Variants in BCAM observed in about 807,000 individuals in gnomAD.
BCAM encodes basal cell adhesion molecule.
A neutral mutation model predicts 72.4 loss-of-function variants in BCAM; 61 were observed. The ratio of observed to expected loss-of-function variants is 0.84; its 90% CI spans 0.69 to 1.04. The LOEUF is 1.04. Among genes scored for constraint, BCAM ranks in the 50% least tolerant of loss-of-function variants. BCAM has a pLI of 0.00. For synonymous variants in BCAM, 408 were observed against 384.2 expected, an observed-to-expected ratio of 1.06 and a Z score of -0.73; for missense variants, 909 against 895.0, an observed-to-expected ratio of 1.02 and a Z score of -0.20.
chr19:44,814,897 T>C lies in BCAM; in HGVS notation c.1078+137T>C. On this transcript the variant is annotated intron_variant, in intron 8 of 14. Transcript: ENST00000270233. This position sits in a 1 kb window ranked among gnomAD's most constrained non-coding sequence, Gnocchi z 4.6. ...ACCCTTTCTCTGCATTTCTTGGGGG[T>C]TTTTTTGGTTGTTTTTTTTTTTTTT... 6 of 1,055,778 alleles carry C rather than the reference T, an allele frequency of 5.7e-6. No individual in the cohort carries two copies. The highest frequency in any genetic ancestry group is 7.5e-6 in the Non-Finnish European group (6 of 804,194). The allele number at this position is 1,055,778 out of a possible 1,614,324, so 65.4% of individuals were successfully genotyped here.
Position 44,819,108 on chromosome 19 carries a change from G to A in BCAM, c.1389G>A (p.Trp463Ter). ...AEIEPKADGS[W>*]REGDEVTLIC... is the part of the protein sequence containing the mutation. ...TAGAGCCCAAGGCAGATGGCAGCTG[G>A]AGGGAAGGAGACGAAGTCACACTCA... The change falls in exon 11 of 15, where the codon TGG becomes TGA. Residue 463 changes from tryptophan to a stop codon, truncating the protein, a stop_gained. Coordinates refer to ENST00000270233, the MANE Select transcript of BCAM (RefSeq NM_005581.5). LOFTEE classifies it high-confidence loss of function. The A allele has an allele frequency of 1.2e-6, 2 of 1,614,092 alleles. No individual in the cohort carries two copies. Among genetic ancestry groups the A allele is most frequent in the Non-Finnish European group, 1.7e-6 (2 of 1,179,992 alleles).
chr19:44,819,931 C>T, intron 13 of BCAM: 1 of 1,118,822 alleles, frequency 8.9e-7, no homozygotes, highest in Non-Finnish European at 1.1e-6. Context: ...AACTCATCCT[C>T]ATCCCCAACT....
At chr19:44,819,555 A>C in intron 12 of BCAM, 27 bp from the exon 13 acceptor site, 1 of 1,612,100 alleles carries the variant, frequency 6.2e-7, no homozygotes, top group Non-Finnish European at 8.5e-7. Context: ...TGCCTGACCC[A>C]CGCCTCTCTC....
At position 44,818,892 on chromosome 19, in the gene BCAM, G is replaced by T. The variant is rs776409244; in HGVS notation, c.1336+10G>T. 2 of 1,612,276 alleles carry T rather than the reference G, an allele frequency of 1.2e-6. No individual in the cohort carries two copies. The highest frequency in any genetic ancestry group is 1.7e-6 in the Non-Finnish European group (2 of 1,179,178). ...ACGCTGCTGGTCCAAGGTTCAGGGG[G>T]CAGGGAGGGGGTGGGCTTGGATGGG... On this transcript the variant is annotated intron_variant, in intron 10 of 14. Coordinates refer to ENST00000270233, the MANE Select transcript of BCAM (RefSeq NM_005581.5). The surrounding 1 kb of genome is among the most constrained non-coding windows in gnomAD (Gnocchi z 4.6).
chr19:44,810,356 G>A (rs924165911), intron 1 of BCAM, among the ~76,000 whole-genome samples: 5 of 152,096 alleles, frequency 3.3e-5, no homozygotes, highest in African/African-American at 9.7e-5. Flanking sequence ...GCCAAGAGGC[G>A]GCTGGGGGCT....
chr19:44,810,792 G>T (rs1968407961), intron 1 of BCAM, among the ~76,000 whole-genome samples: 1 of 150,660 alleles, frequency 6.6e-6, no homozygotes, highest in Admixed American at 6.6e-5. Flanking sequence ...GAGGCCACAG[G>T]GCCCTGTGCA....
At position 44,820,800 on chromosome 19, in the gene BCAM, G is replaced by A; in HGVS notation, c.1859G>A (p.Gly620Asp). Residue 620 changes from glycine to aspartate, a missense_variant, in exon 14 of 15, where the codon GGC (glycine) becomes GAC (aspartate). Gly to Asp is a moderately conservative substitution (Grantham distance 94). Coordinates refer to ENST00000270233, the MANE Select transcript of BCAM (RefSeq NM_005581.5). Reference protein sequence around the residue: ...MGGASGGARGGSGGFGDEC With the variant: ...MGGASGGARGDSGGFGDEC ...GGTGCCTCCGGAGGAGCCAGGGGTGGCAGCGGGGGCTTCGGAGACGAGGTG... is the reference window on the plus strand; with the variant it reads ...GGTGCCTCCGGAGGAGCCAGGGGTGACAGCGGGGGCTTCGGAGACGAGGTG... The A allele has an allele frequency of 3.3e-6, 5 of 1,509,748 alleles. No individual in the cohort carries two copies. The highest frequency in any genetic ancestry group is 3.6e-6 in the Non-Finnish European group (4 of 1,125,906). 93.5% of individuals were successfully genotyped at this position (1,509,748 alleles called of 1,614,324 possible). A position where few individuals can be genotyped will look rare whatever the true frequency, so the allele number is the denominator to read the frequency against.
At position 44,814,661 on chromosome 19, in the gene BCAM, G is replaced by C; in HGVS notation, c.979G>C (p.Val327Leu). The C allele has an allele frequency of 6.2e-7, 1 of 1,614,172 alleles. No homozygotes were observed. ...NLEGNLTLEG[V>L]TRGQSGTYGC... Reference sequence around the variant, plus strand: ...CGAGGGGAACTTGACCCTGGAGGGAGTGACCCGGGGCCAGAGCGGGACCTA... The same window carrying C: ...CGAGGGGAACTTGACCCTGGAGGGACTGACCCGGGGCCAGAGCGGGACCTA... The change falls in exon 8 of 15, where the codon GTG becomes CTG. Residue 327 changes from valine (V) to leucine (L), a missense_variant. Val to Leu is a conservative substitution (Grantham distance 32). Transcript: ENST00000270233. This position sits in a 1 kb window ranked among gnomAD's most constrained non-coding sequence, Gnocchi z 4.6.
Position 44,818,544 on chromosome 19 carries a change from C to T in BCAM, c.1101C>T (p.Ser367=), listed in dbSNP as rs1322761126. 9 of 1,613,956 alleles carry T rather than the reference C, an allele frequency of 5.6e-6. No homozygotes were observed. The highest frequency in any genetic ancestry group is 1.1e-5 in the South Asian group (1 of 91,070). Residue 367 remains serine (S), a synonymous_variant, in exon 9 of 15, where the codon AGC becomes AGT. Transcript: ENST00000270233. This position sits in a 1 kb window ranked among gnomAD's most constrained non-coding sequence, Gnocchi z 4.6. ...RVAYLDPLEL[S]EGKVLSLPLN... is the part of the protein sequence containing the mutation. The stretch of plus-strand genomic sequence containing the variant: ...CAGATCTGGACCCCCTGGAGCTCAG[C>T]GAGGGGAAGGTGCTTTCCTTACCTC...
Position 44,814,835 on chromosome 19 carries a change from C to A in BCAM, c.1078+75C>A. 1 of 1,450,226 alleles carries A rather than the reference C, an allele frequency of 6.9e-7. No homozygotes were observed. Among genetic ancestry groups the A allele is most frequent in the Non-Finnish European group, 9.1e-7 (1 of 1,094,506 alleles). The allele number at this position is 1,450,226 out of a possible 1,614,324, so 89.8% of individuals were successfully genotyped here. ...CCTCTGCGCCCTCCTCCCTACAGCCCTGAAGTTGCTCTGTCATCCCAAACA... is the reference window on the plus strand; with the variant it reads ...CCTCTGCGCCCTCCTCCCTACAGCCATGAAGTTGCTCTGTCATCCCAAACA... On this transcript the variant is annotated intron_variant, in intron 8 of 14. Transcript: ENST00000270233. This position sits in a 1 kb window ranked among gnomAD's most constrained non-coding sequence, Gnocchi z 4.6.
In BCAM at chr19:44,813,198, C is replaced by G; in HGVS notation, c.505-52C>G. Reference sequence around the variant, plus strand: ...GGGAGAACTCCTGAGAGAGGAGCCCCGACTTCAGAGTCCCAGCTCCAAGCC... The same window carrying G: ...GGGAGAACTCCTGAGAGAGGAGCCCGGACTTCAGAGTCCCAGCTCCAAGCC... On this transcript the variant is annotated intron_variant, in intron 4 of 14. Transcript: ENST00000270233. This position sits in a 1 kb window ranked among gnomAD's most constrained non-coding sequence, Gnocchi z 4.2. The G allele has an allele frequency of 6.3e-7, 1 of 1,590,270 alleles. No individual in the cohort carries two copies. The highest frequency in any genetic ancestry group is 8.6e-7 in the Non-Finnish European group (1 of 1,162,748).
At chr19:44,810,787 C>T (rs1568570553) in intron 1 of BCAM, among the ~76,000 whole-genome samples, 1 of 152,134 alleles carries the variant, frequency 6.6e-6, no homozygotes, top group Non-Finnish European at 1.5e-5. Flanking sequence ...CAGCGGAGGC[C>T]ACAGGGCCCT....
intron 1 of BCAM, among the ~76,000 whole-genome samples, chr19:44,809,414 G>T (rs1237313270): frequency 6.6e-6 from 1 of 152,100 alleles, no homozygotes; most frequent in Non-Finnish European, 1.5e-5. Context: ...CCAGGCGGTG[G>T]ATCAGAGACA....
Position 44,818,467 on chromosome 19 carries a change from C to T in BCAM, c.1079-55C>T. On this transcript the variant is annotated intron_variant, in intron 8 of 14. Transcript: ENST00000270233. This position sits in a 1 kb window ranked among gnomAD's most constrained non-coding sequence, Gnocchi z 4.6. Reference sequence around the variant, plus strand: ...GCACCCCCGACCGCCCCTGGAGAGCCCCTAATTGAGTGGGTGGCGGTCTGG... The same window carrying T: ...GCACCCCCGACCGCCCCTGGAGAGCTCCTAATTGAGTGGGTGGCGGTCTGG... 1.4e-6 allele frequency: 2 copies of T among 1,476,776 alleles called. No individual in the cohort carries two copies. Among genetic ancestry groups the T allele is most frequent in the Non-Finnish European group, 1.9e-6 (2 of 1,062,356 alleles). The allele number at this position is 1,476,776 out of a possible 1,614,324, so 91.5% of individuals were successfully genotyped here. A position where few individuals can be genotyped will look rare whatever the true frequency, so the allele number is the denominator to read the frequency against.
chr19:44,814,431 G>A lies in BCAM; in HGVS notation c.921+143G>A, dbSNP rs1968475547. 1 of 1,417,962 alleles carries A rather than the reference G, an allele frequency of 7.1e-7. No homozygotes were observed. The highest frequency in any genetic ancestry group is 9.4e-7 in the Non-Finnish European group (1 of 1,065,270). 87.8% of individuals were successfully genotyped at this position (1,417,962 alleles called of 1,614,324 possible). On this transcript the variant is annotated intron_variant, in intron 7 of 14. Coordinates refer to ENST00000270233, the MANE Select transcript of BCAM (RefSeq NM_005581.5). The surrounding 1 kb of genome is among the most constrained non-coding windows in gnomAD (Gnocchi z 4.6). The stretch of plus-strand genomic sequence containing the variant: ...TGATCTGGTGGCCCACGAACTAAAA[G>A]GACCTCTGACCCCTGATTTGAGAGA...
Position 44,813,063 on chromosome 19 carries a change from A to G in BCAM, c.505-187A>G. 1 of 625,412 alleles carries G rather than the reference A, an allele frequency of 1.6e-6. No homozygotes were observed. The highest frequency in any genetic ancestry group is 2.7e-6 in the Non-Finnish European group (1 of 365,708). The allele number at this position is 625,412 out of a possible 1,614,324, so 38.7% of individuals were successfully genotyped here. On this transcript the variant is annotated intron_variant, in intron 4 of 14. Coordinates refer to ENST00000270233, the MANE Select transcript of BCAM (RefSeq NM_005581.5). This position sits in a 1 kb window ranked among gnomAD's most constrained non-coding sequence, Gnocchi z 4.2. ...GGGACCCAGAATCCTTGGTCCCTGG[A>G]GGATGGTGCTGGAGGCCTGGACTCT...
Position 44,812,959 on chromosome 19 carries a change from A to AT in BCAM, c.505-291_505-290insT. The AT allele has an allele frequency of 2.3e-6, 1 of 436,892 alleles. No individual in the cohort carries two copies. The highest frequency in any genetic ancestry group is 4.0e-6 in the Non-Finnish European group (1 of 247,514). 27.1% of individuals were successfully genotyped at this position (436,892 alleles called of 1,614,324 possible). On this transcript the variant is annotated intron_variant, in intron 4 of 14. Coordinates refer to ENST00000270233, the MANE Select transcript of BCAM (RefSeq NM_005581.5). The surrounding 1 kb of genome is among the most constrained non-coding windows in gnomAD (Gnocchi z 5.3). ...AGCAATACTCCGTCTCAAAAAAAAA[A>AT]AAAAAAAGAAGAAGAAAAGAAAAAA...
At position 44,818,719 on chromosome 19, in the gene BCAM, C is replaced by T. The variant is rs1244945171; in HGVS notation, c.1195-22C>T. ...ACTCCTCGCCCTCTCACAGCGTCCT[C>T]CTCCTCCTCTGCCCTTCCCAGGACT... is the stretch of plus-strand genomic sequence containing the variant. On this transcript the variant is annotated intron_variant, in intron 9 of 14. Transcript: ENST00000270233. This position sits in a 1 kb window ranked among gnomAD's most constrained non-coding sequence, Gnocchi z 4.6. 1 of 1,613,828 alleles carries T rather than the reference C, an allele frequency of 6.2e-7. No homozygotes were observed. The highest frequency in any genetic ancestry group is 1.1e-5 in the South Asian group (1 of 91,040).
rs1176543909 is a variant in BCAM, at chr19:44,813,543, A to G, written c.707A>G (p.His236Arg). The change falls in exon 6 of 15, where the codon CAC becomes CGC. Residue 236 changes from histidine to arginine, a missense_variant. By Grantham distance (29) the His-to-Arg change is conservative (BLOSUM62 0). Coordinates refer to ENST00000270233, the MANE Select transcript of BCAM (RefSeq NM_005581.5). The surrounding 1 kb of genome is among the most constrained non-coding windows in gnomAD (Gnocchi z 4.2). ...AAGGATGACCGAGACGCCAGCTTCC[A>G]CTGCGCCGCCCACTACAGCCTGCCC... is the stretch of plus-strand genomic sequence containing the variant. Reference protein sequence around the residue: ...LRKDDRDASFHCAAHYSLPEG... With the variant: ...LRKDDRDASFRCAAHYSLPEG... 1.2e-6 allele frequency: 2 copies of G among 1,612,522 alleles called. No individual in the cohort carries two copies. Among genetic ancestry groups the G allele is most frequent in the Non-Finnish European group, 1.7e-6 (2 of 1,179,888 alleles).
Sources: gnomAD v4.1 joint callset for allele counts (sites outside exome capture counted in the v4.1 genomes callset) on GRCh38, gnomAD v4.1.1 for gene constraint, Gnocchi (gnomAD v3.1) non-coding constraint, MANE v1.5 for transcripts, NCBI Gene and HGNC (gene_info 2026-07-23, HGNC 2026-07-21) for gene names.